The following ASIC2 variants were observed in gnomAD, a reference collection of about 807,000 sequenced individuals.
ASIC2 encodes acid-sensing ion channel 2.
A neutral mutation model predicts 57.3 loss-of-function variants in ASIC2; 25 were observed. That is an observed-to-expected ratio of 0.44 (90% CI 0.32 to 0.61). The LOEUF is 0.61. ASIC2 is among the 20% of genes least tolerant of loss of function. The probability of loss-of-function intolerance (pLI) is 0.06; values close to 1 mark genes in which losing one functional copy is unlikely to be tolerated. For synonymous variants in ASIC2, 319 were observed against 307.5 expected (o/e 1.04, Z -0.39); for missense variants, 641 against 738.1 (o/e 0.87, Z 1.52).
intron 1 of ASIC2, among the ~76,000 whole-genome samples, chr17:33,991,193 C>A (rs1272312629): frequency 6.6e-6 from 1 of 152,124 alleles, no homozygotes; most frequent in African/African-American, 2.4e-5. Context: ...TTAACTGAGT[C>A]TTGAGTAGCC....
chr17:33,178,257 A>C (rs1905839823), intron 1 of ASIC2, among the ~76,000 whole-genome samples: 1 of 152,184 alleles, frequency 6.6e-6, no homozygotes, highest in Admixed American at 6.5e-5. Flanking sequence ...GTACATAATA[A>C]ATATATATAA....
At chr17:33,159,327 A>G (rs954899082) in intron 1 of ASIC2, among the ~76,000 whole-genome samples, 2 of 150,230 alleles carry the variant, frequency 1.3e-5, no homozygotes, top group African/African-American at 4.9e-5. Flanking sequence ...TCTGCCTGTA[A>G]CACTTTCATG....
At chr17:33,483,415 G>A (rs1158380583) in intron 1 of ASIC2, among the ~76,000 whole-genome samples, 1 of 152,258 alleles carries the variant, frequency 6.6e-6, no homozygotes, top group Admixed American at 6.5e-5. Flanking sequence ...TCTATCCTCA[G>A]ACAAGGTCAC....
rs61267122 is a variant in ASIC2, at chr17:33,496,603, G to GTTTTT, written c.556-384541_556-384537dup. Among the ~76,000 whole-genome samples the GTTTTT allele has an allele frequency of 1.5e-3, 110 of 70,990 alleles. 10 individuals carry two copies. Among genetic ancestry groups the GTTTTT allele is most frequent in the African/African-American group, 4.1e-3 (64 of 15,802 alleles). 46.6% of individuals were successfully genotyped at this position (70,990 alleles called of 152,430 possible). ...GCAGAAAAGGAAATAGTTATTGTAGGTTTTTTTTTTTTTTTTTTTTTTTTT... is the reference window on the plus strand; with the variant it reads ...GCAGAAAAGGAAATAGTTATTGTAGGTTTTTTTTTTTTTTTTTTTTTTTTTTTTTT... On this transcript the variant is annotated intron_variant, in intron 1 of 9. Coordinates refer to the ASIC2 transcript ENST00000359872.
chr17:33,283,270 CCTT>C (rs1253295289), intron 1 of ASIC2, among the ~76,000 whole-genome samples: 1 of 152,216 alleles, frequency 6.6e-6, no homozygotes, highest in African/African-American at 2.4e-5. Context: ...AGGGATCCCT[CCTT>C]ATCAGCATTC....
chr17:33,632,198 T>C (rs1018905227), intron 1 of ASIC2, among the ~76,000 whole-genome samples: 7 of 152,202 alleles, frequency 4.6e-5, no homozygotes, highest in Non-Finnish European at 1.0e-4. Flanking sequence ...AATGATATAA[T>C]GCACGGAAAT....
At chr17:34,087,584 C>T (rs1598017185) in intron 1 of ASIC2, among the ~76,000 whole-genome samples, 2 of 152,102 alleles carry the variant, frequency 1.3e-5, no homozygotes, top group East Asian at 3.9e-4. Context: ...TGAATGTTGG[C>T]CTGCCTTGCT....
chr17:33,380,511 T>C (rs1909449384), intron 1 of ASIC2, among the ~76,000 whole-genome samples: 1 of 152,278 alleles, frequency 6.6e-6, no homozygotes, highest in Non-Finnish European at 1.5e-5. Context: ...CAGGCTTCCA[T>C]CACACAACAG....
At chr17:34,101,467 C>T (rs546409865) in intron 1 of ASIC2, among the ~76,000 whole-genome samples, 21 of 152,288 alleles carry the variant, frequency 1.4e-4, no homozygotes, top group South Asian at 6.2e-4. Context: ...CAACTCTCAA[C>T]GTCAAGTGAG....
chr17:33,970,393 A>G (rs182356393), intron 1 of ASIC2, among the ~76,000 whole-genome samples: 1 of 152,180 alleles, frequency 6.6e-6, no homozygotes, highest in Admixed American at 6.5e-5. Flanking sequence ...GCCTAGTGGG[A>G]TGCTGCACTT....
intron 1 of ASIC2, among the ~76,000 whole-genome samples, chr17:34,149,563 G>A (rs8070143): frequency 0.029 from 4,420 of 152,260 alleles, 199 homozygotes; most frequent in African/African-American, 0.1. Context: ...CTCTGAAGAA[G>A]CAGTTTGACA....
chr17:33,031,572 T>C (rs2091883799), intron 3 of ASIC2, among the ~76,000 whole-genome samples: 1 of 152,200 alleles, frequency 6.6e-6, no homozygotes, highest in East Asian at 1.9e-4. Context: ...ATATGCATTC[T>C]GTAACTGTTG....
chr17:33,779,400 A>G (rs944303744), intron 1 of ASIC2, among the ~76,000 whole-genome samples: 4 of 152,222 alleles, frequency 2.6e-5, no homozygotes, highest in Non-Finnish European at 5.9e-5. Context: ...TTAAGAATGA[A>G]TTTATCATCC....
At chr17:33,943,258 A>G (rs1198998946) in intron 1 of ASIC2, among the ~76,000 whole-genome samples, 1 of 152,210 alleles carries the variant, frequency 6.6e-6, no homozygotes, top group East Asian at 1.9e-4. Flanking sequence ...CGCAGGGAAG[A>G]AGGTTGATAT....
At chr17:33,991,584 T>A (rs1470078928) in intron 1 of ASIC2, among the ~76,000 whole-genome samples, 1 of 152,198 alleles carries the variant, frequency 6.6e-6, no homozygotes, top group Non-Finnish European at 1.5e-5. Context: ...AACCACATGG[T>A]CTGGCCTCCA....
chr17:33,424,378 A>G (rs1391293223), intron 1 of ASIC2, among the ~76,000 whole-genome samples: 1 of 152,186 alleles, frequency 6.6e-6, no homozygotes, highest in Non-Finnish European at 1.5e-5. Context: ...AAGGAGAGAA[A>G]CTAGGGGGTT....
At chr17:34,050,844 C>A (rs964021797) in intron 1 of ASIC2, among the ~76,000 whole-genome samples, 1 of 152,168 alleles carries the variant, frequency 6.6e-6, no homozygotes, top group Non-Finnish European at 1.5e-5. Flanking sequence ...AAGGATGAGG[C>A]CAAGATGTGG....
intron 1 of ASIC2, among the ~76,000 whole-genome samples, chr17:33,178,076 G>C (rs919853333): frequency 1.3e-5 from 2 of 152,124 alleles, no homozygotes; most frequent in African/African-American, 4.8e-5. Flanking sequence ...CATGGACCCT[G>C]GGTTAAGAAT....
intron 6 of ASIC2, among the ~76,000 whole-genome samples, chr17:33,022,024 C>T (rs2091837805): frequency 6.6e-6 from 1 of 152,180 alleles, no homozygotes; most frequent in Non-Finnish European, 1.5e-5. Context: ...TCCTCCAGTG[C>T]CCCTTGTTCT....
Sources: gnomAD v4.1 joint callset for allele counts (sites outside exome capture counted in the v4.1 genomes callset) on GRCh38, gnomAD v4.1.1 for gene constraint, MANE v1.5 for transcripts, NCBI Gene and HGNC (gene_info 2026-07-23, HGNC 2026-07-21) for gene names.